The following FMR1 variants were observed in gnomAD, a reference collection of about 807,000 sequenced individuals.
FMR1 encodes the protein FMRP translational regulator 1.
Under a neutral mutation model 50.6 loss-of-function variants are expected in FMR1, and 13 were observed. The ratio of observed to expected loss-of-function variants is 0.26; its 90% CI spans 0.17 to 0.41. The LOEUF is 0.41. FMR1 is among the 10% of genes least tolerant of loss of function. The pLI, the probability that FMR1 is intolerant of heterozygous loss-of-function variation, is 1.00. For missense variants in FMR1, 316 were observed against 491.3 expected (o/e 0.64, Z 3.37); for synonymous variants, 138 against 164.1 (o/e 0.84, Z 1.22).
At chrX:147,941,426 C>A (rs1203558870) in intron 13 of FMR1, among the ~76,000 whole-genome samples, 1 of 112,354 alleles carries the variant, frequency 8.9e-6, no homozygotes, top group African/African-American at 3.2e-5. Flanking sequence ...CCATACATAT[C>A]AAAATTATAA....
Position 147,949,728 on chromosome X carries a change from T to C in FMR1, c.*884T>C, listed in dbSNP as rs1439043792. 1 of 327,125 alleles carries C rather than the reference T, an allele frequency of 3.1e-6. No homozygotes were observed. Among genetic ancestry groups the C allele is most frequent in the African/African-American group, 2.7e-5 (1 of 37,440 alleles). 27.0% of individuals were successfully genotyped at this position (327,125 alleles called of 1,213,427 possible). A position where few individuals can be genotyped will look rare whatever the true frequency, so the allele number is the denominator to read the frequency against. ...TTCAGCTAGGAACAAATCTTCCTGG[T>C]CGAAAGTTAGTAGGATATGCCTGCT... On this transcript the variant is annotated 3_prime_UTR_variant, in exon 17 of 17. Coordinates refer to ENST00000370475, the MANE Select transcript of FMR1 (RefSeq NM_002024.6).
chrX:147,933,593 A>G, intron 9 of FMR1: 1 of 867,005 alleles, frequency 1.2e-6, no homozygotes, highest in Non-Finnish European at 1.4e-6. Context: ...TAAATGCTGC[A>G]GATATCTTTA....
At chrX:147,912,729 A>G (rs2042654187) in intron 1 of FMR1, 2 of 297,931 alleles carry the variant, frequency 6.7e-6, no homozygotes, top group Admixed American at 6.0e-5. Flanking sequence ...CCGGTCTAGC[A>G]TTGGGACTTC....
In FMR1 at chrX:147,937,578, C is replaced by G. The variant is rs782425569; in HGVS notation, c.1103C>G (p.Pro368Arg). ...IKENSTHFSQ[P>R]NSTKVQRVLV... ...GAAAACAGCACCCATTTTTCTCAAC[C>G]TAACAGTACAAAAGTCCAGAGGGTA... The change falls in exon 11 of 17, where the codon CCT becomes CGT. Residue 368 changes from proline (P) to arginine (R), a missense_variant. This residue lies in a region of FMR1 where 53 missense variants were observed against 51.5 expected (regional missense o/e 1.03). Transcript: ENST00000370475. 9.9e-7 allele frequency: 1 copy of G among 1,014,393 alleles called. No individual in the cohort carries two copies. The highest frequency in any genetic ancestry group is 3.0e-5 in the East Asian group (1 of 32,963). 83.6% of individuals were successfully genotyped at this position (1,014,393 alleles called of 1,213,427 possible).
chrX:147,923,131 C>A (rs1166901999), intron 2 of FMR1, among the ~76,000 whole-genome samples: 1 of 111,740 alleles, frequency 8.9e-6, no homozygotes, highest in African/African-American at 3.3e-5. Context: ...TTAGCAGATT[C>A]TTTTGGCTAG....
At chrX:147,927,310 C>G (rs1354577863) in intron 3 of FMR1, among the ~76,000 whole-genome samples, 1 of 111,652 alleles carries the variant, frequency 9.0e-6, no homozygotes, top group East Asian at 2.8e-4. Context: ...GATACCATTG[C>G]TAGGATGACC....
At chrX:147,945,824 CTGAG>C (rs2044153090) in intron 16 of FMR1, 4 of 394,804 alleles carry the variant, frequency 1.0e-5, no homozygotes, top group Non-Finnish European at 1.3e-5. Context: ...AATATGCAGT[CTGAG>C]TATTTGTGAA....
At chrX:147,938,073 C>T (rs2043852915) in intron 11 of FMR1, 26 bp from the exon 12 acceptor site, 1 of 1,152,128 alleles carries the variant, frequency 8.7e-7, no homozygotes, top group Non-Finnish European at 1.2e-6. Context: ...TTAATGACAT[C>T]CCTTGCATTC....
At chrX:147,928,894 A>T in intron 5 of FMR1, 87 bp downstream of exon 5, 2 of 985,899 alleles carry the variant, frequency 2.0e-6, no homozygotes, top group Non-Finnish European at 2.9e-6. Flanking sequence ...AATTTTTTAA[A>T]CTACTAGAAA....
Position 147,911,925 on chromosome X carries a change from C to T in FMR1, c.-255C>T, listed in dbSNP as rs1490097636. 1.8e-5 allele frequency: 2 copies of T among 111,459 alleles called. No individual in the cohort carries two copies. The highest frequency in any genetic ancestry group is 3.2e-5 in the African/African-American group (1 of 30,853). 9.2% of individuals were successfully genotyped at this position (111,459 alleles called of 1,213,427 possible). On this transcript the variant is annotated 5_prime_UTR_variant, in exon 1 of 17. Coordinates refer to ENST00000370475, the MANE Select transcript of FMR1 (RefSeq NM_002024.6). ...AGCGGGCCGGGGGTTCGGCCTCAGT[C>T]AGGCGCTCAGCTCCGTTTCGGTTTC...
chrX:147,940,396 G>A (rs2043963320), intron 12 of FMR1, 180 bp from the exon 13 acceptor site: 1 of 449,855 alleles, frequency 2.2e-6, no homozygotes, highest in Non-Finnish European at 4.0e-6. Flanking sequence ...CGTATTCACA[G>A]TAGATGTGTA....
chrX:147,932,818 G>A, intron 9 of FMR1, 55 bp downstream of exon 9: 1 of 826,040 alleles, frequency 1.2e-6, no homozygotes, highest in Middle Eastern at 4.3e-4. Flanking sequence ...TAGGTAAACA[G>A]TTTATTTATA....
chrX:147,925,716 T>A, intron 3 of FMR1, 83 bp downstream of exon 3: 1 of 619,258 alleles, frequency 1.6e-6, no homozygotes, highest in Non-Finnish European at 2.7e-6. Flanking sequence ...ACTTTGTCTT[T>A]AACACTGTTT....
At chrX:147,916,771 A>C (rs1557175312) in intron 1 of FMR1, among the ~76,000 whole-genome samples, 2 of 109,957 alleles carry the variant, frequency 1.8e-5, no homozygotes, top group Admixed American at 1.9e-4. Flanking sequence ...AACAGGTCTC[A>C]CTGTCGCCCA....
chrX:147,945,065 C>T lies in FMR1; in HGVS notation c.1654+14C>T. ...GAGGCTTCAAAGGTATGGAGATCTTCATTAAGAAATCAAAGTGAATTGTAA... is the reference window on the plus strand; with the variant it reads ...GAGGCTTCAAAGGTATGGAGATCTTTATTAAGAAATCAAAGTGAATTGTAA... On this transcript the variant is annotated intron_variant, in intron 15 of 16. Coordinates refer to ENST00000370475, the MANE Select transcript of FMR1 (RefSeq NM_002024.6). 8.6e-7 allele frequency: 1 copy of T among 1,169,004 alleles called. No individual in the cohort carries two copies. The highest frequency in any genetic ancestry group is 1.1e-6 in the Non-Finnish European group (1 of 873,320).
chrX:147,935,150 G>A lies in FMR1; in HGVS notation c.881-1354G>A, dbSNP rs549441216. On this transcript the variant is annotated intron_variant, in intron 9 of 16. Transcript: ENST00000370475. ...GTTGCAGTTTAAAATCAAACTGTGT[G>A]AAGACTCCAAGTAGCTTCTCTCACC... 1.4e-4 allele frequency among the ~76,000 whole-genome samples: 16 copies of A among 111,958 alleles called. No individual in the cohort carries two copies. In the South Asian group the frequency reaches 5.6e-3, roughly 39 times the overall value.
intron 11 of FMR1, 38 bp from the exon 12 acceptor site, chrX:147,938,061 A>T: frequency 9.3e-7 from 1 of 1,078,764 alleles, no homozygotes; most frequent in Non-Finnish European, 1.3e-6. Context: ...CGTTTGTTAT[A>T]GTTAATGACA....
chrX:147,917,634 GT>G lies in FMR1; in HGVS notation c.52-4297del, dbSNP rs1256474332. On this transcript the variant is annotated intron_variant, in intron 1 of 16. Transcript: ENST00000370475. The stretch of plus-strand genomic sequence containing the variant: ...CTTTTTTAAAAAAAAGAGTGCTTTT[GT>G]TGGGATGTACATTTTCCAAATGCAA... Among the ~76,000 whole-genome samples the G allele has an allele frequency of 2.7e-5, 3 of 111,602 alleles. No individual in the cohort carries two copies. The East Asian group carries it at 8.4e-4, about 31-fold the overall frequency.
intron 9 of FMR1, among the ~76,000 whole-genome samples, chrX:147,936,301 A>G (rs930035984): frequency 1.8e-5 from 2 of 112,186 alleles, no homozygotes; most frequent in Admixed American, 1.9e-4. Context: ...AGTTTAAACA[A>G]TGATGTCCTA....
Sources: allele counts gnomAD v4.1 joint callset (sites outside exome capture counted in the v4.1 genomes callset), GRCh38; gene constraint gnomAD v4.1.1; regional missense constraint gnomAD v4.1.1; transcripts MANE v1.5; gene names NCBI Gene and HGNC (gene_info 2026-07-23, HGNC 2026-07-21).